The following ATG2A variants were observed in gnomAD, a reference collection of about 807,000 sequenced individuals.
The protein encoded by ATG2A is autophagy related 2A, also known as autophagy-related protein 2 homolog A.
ATG2A carries 103 observed loss-of-function variants against 214.2 expected under a neutral mutation model. The observed-to-expected ratio is 0.48, with a 90% confidence interval of 0.41 to 0.57. The LOEUF is 0.57. Among genes scored for constraint, ATG2A ranks in the 20% least tolerant of loss-of-function variants. The pLI is 0.00. For missense variants in ATG2A, 2,312 were observed against 2,613.2 expected, an observed-to-expected ratio of 0.88 and a Z score of 2.51; for synonymous variants, 1,160 against 1,142.1, an observed-to-expected ratio of 1.02 and a Z score of -0.32.
At chr11:64,905,086 C>A (rs1455071121) in intron 24 of ATG2A, among the ~76,000 whole-genome samples, 1 of 152,066 alleles carries the variant, frequency 6.6e-6, no homozygotes. Flanking sequence ...GAACTCCTGA[C>A]CTTGTGATCT....
chr11:64,909,932 A>G lies in ATG2A; in HGVS notation c.1864-8T>C. ...CGCCGGCAGGGGCTCTGTCTGCAGG[A>G]GGATTGGGGGTCAGAGCAGCCGTCG... On this transcript the variant is annotated splice_region_variant and splice_polypyrimidine_tract_variant and intron_variant, in intron 13 of 40. Coordinates refer to ENST00000377264, the MANE Select transcript of ATG2A (RefSeq NM_015104.3). 6.3e-7 allele frequency: 1 copy of G among 1,597,130 alleles called. No homozygotes were observed.
intron 14 of ATG2A, 83 bp from the exon 15 acceptor site, chr11:64,909,450 G>C: frequency 6.1e-6 from 9 of 1,468,272 alleles, no homozygotes; most frequent in Non-Finnish European, 8.5e-6. Context: ...GCTCAGAGCT[G>C]TGCCCCCGAC....
chr11:64,907,786 A>G lies in ATG2A; in HGVS notation c.2469T>C (p.Phe823=). 1 of 1,613,582 alleles carries G rather than the reference A, an allele frequency of 6.2e-7. No individual in the cohort carries two copies. Among genetic ancestry groups the G allele is most frequent in the Non-Finnish European group, 8.5e-7 (1 of 1,179,992 alleles). ...TCTCGTAGACCTCCTTGCTGGGCAGAAAGATGTGGACACTGGGCAGGATCA... is the reference window on the plus strand; with the variant it reads ...TCTCGTAGACCTCCTTGCTGGGCAGGAAGATGTGGACACTGGGCAGGATCA... ...LEVILPSVHI[F]LPSKEVYESI... Residue 823 remains phenylalanine, a synonymous_variant, in exon 17 of 41, where the codon TTT becomes TTC. Transcript: ENST00000377264.
chr11:64,898,408 C>T lies in ATG2A; in HGVS notation c.4672-46G>A. On this transcript the variant is annotated intron_variant, in intron 32 of 40. Transcript: ENST00000377264. The surrounding 1 kb of genome is among the most constrained non-coding windows in gnomAD (Gnocchi z 4.5). ...CTGGACACCTGCTGGGCCTCTGGGG[C>T]AGCAGCTCACCCAGCTGTTCCCTGA... 1 of 1,501,140 alleles carries T rather than the reference C, an allele frequency of 6.7e-7. No homozygotes were observed. Among genetic ancestry groups the T allele is most frequent in the South Asian group, 1.2e-5 (1 of 80,638 alleles). 93.0% of individuals were successfully genotyped at this position (1,501,140 alleles called of 1,614,324 possible).
rs1410458580 is a variant in ATG2A at position 64,894,617 on chromosome 11, T to C, written c.*356A>G. On this transcript the variant is annotated 3_prime_UTR_variant, in exon 41 of 41. Coordinates refer to ENST00000377264, the MANE Select transcript of ATG2A (RefSeq NM_015104.3). ...ACTCACGGAGCTTAAAAATAATACA[T>C]CGAACCACACGGATATCATCCCCTC... 3.6e-6 allele frequency: 2 copies of C among 551,726 alleles called. No homozygotes were observed. Among genetic ancestry groups the C allele is most frequent in the Non-Finnish European group, 6.9e-6 (2 of 288,504 alleles). The allele number at this position is 551,726 out of a possible 1,614,324, so 34.2% of individuals were successfully genotyped here.
At chr11:64,904,534 ACT>A (rs889428180) in intron 24 of ATG2A, among the ~76,000 whole-genome samples, 1 of 151,624 alleles carries the variant, frequency 6.6e-6, no homozygotes, top group African/African-American at 2.4e-5. Flanking sequence ...ACAGAGCGAG[ACT>A]CTGTCTCAAA....
At position 64,913,987 on chromosome 11, in the gene ATG2A, C is replaced by T; in HGVS notation, c.488-64G>A. 6.3e-7 allele frequency: 1 copy of T among 1,585,404 alleles called. No individual in the cohort carries two copies. The highest frequency in any genetic ancestry group is 8.6e-7 in the Non-Finnish European group (1 of 1,165,222). On this transcript the variant is annotated intron_variant, in intron 3 of 40. Transcript: ENST00000377264. The surrounding 1 kb of genome is among the most constrained non-coding windows in gnomAD (Gnocchi z 4.3). Reference sequence around the variant, plus strand: ...GCAAAGGGGAGGCAGAATTTCCCATCTGGGCACCAGGGTGGCCGTGCCGTT... The same window carrying T: ...GCAAAGGGGAGGCAGAATTTCCCATTTGGGCACCAGGGTGGCCGTGCCGTT...
rs756820653 is a variant in ATG2A at position 64,906,100 on chromosome 11, C to G, written c.3264+13G>C. ...GTCACTGGGCCATGTGGCTTCCCAC[C>G]ACCCACGCTCACCTGGGAATGCCAG... On this transcript the variant is annotated intron_variant, in intron 22 of 40. Transcript: ENST00000377264. The G allele has an allele frequency of 6.4e-7, 1 of 1,563,214 alleles. No homozygotes were observed. Among genetic ancestry groups the G allele is most frequent in the Non-Finnish European group, 8.7e-7 (1 of 1,153,112 alleles).
chr11:64,902,274 A>C lies in ATG2A; in HGVS notation c.3890T>G (p.Leu1297Arg), dbSNP rs1481562331. Reference protein sequence around the residue: ...LLDTERSLRELAQPSGGHLPQ... With the variant: ...LLDTERSLRERAQPSGGHLPQ... ...CCCCACTTCACCTGAAGGCTGGGCC[A>C]GCTCCCGTAGGCTGCGCTCGGTGTC... The change falls in exon 28 of 41, where the codon CTG (leucine) becomes CGG (arginine). Residue 1297 changes from leucine (L) to arginine (R), a missense_variant. By Grantham distance (102) the Leu-to-Arg change is moderately radical (BLOSUM62 -2). Coordinates refer to ENST00000377264, the MANE Select transcript of ATG2A (RefSeq NM_015104.3). The C allele has an allele frequency of 5.6e-6, 9 of 1,613,116 alleles. No homozygotes were observed. Among genetic ancestry groups the C allele is most frequent in the Non-Finnish European group, 7.6e-6 (9 of 1,180,008 alleles).
chr11:64,902,048 C>T lies in ATG2A; in HGVS notation c.4033G>A (p.Glu1345Lys). The T allele has an allele frequency of 1.2e-6, 2 of 1,614,076 alleles. No individual in the cohort carries two copies. Among genetic ancestry groups the T allele is most frequent in the East Asian group, 2.2e-5 (1 of 44,888 alleles). Residue 1345 changes from glutamate (E) to lysine (K), a missense_variant, in exon 29 of 41, where the codon GAA (glutamate) becomes AAA (lysine). By Grantham distance (56) the Glu-to-Lys change is moderately conservative (BLOSUM62 1). Transcript: ENST00000377264. Reference protein sequence around the residue: ...GSLGSCSEEKEDEREEEGDGD... With the variant: ...GSLGSCSEEKKDEREEEGDGD... ...TCGCCCTCCTCTTCCCTTTCATCTTCCTTCTCCTCTGAGCATGACCCTAAG... is the reference window on the plus strand; with the variant it reads ...TCGCCCTCCTCTTCCCTTTCATCTTTCTTCTCCTCTGAGCATGACCCTAAG...
rs370985181 is a variant in ATG2A, at chr11:64,900,578, G to C, written c.4380C>G (p.Gly1460=). ...GPRSSPSRCS[G]PNRPQNSWRT... Reference sequence around the variant, plus strand: ...GCCATGAGTTCTGGGGCCGGTTGGGGCCAGAGCAGCGGGAAGGGGAGCTCC... The same window carrying C: ...GCCATGAGTTCTGGGGCCGGTTGGGCCCAGAGCAGCGGGAAGGGGAGCTCC... The change falls in exon 31 of 41, where the codon GGC becomes GGG. Residue 1460 remains glycine (G), a synonymous_variant. Transcript: ENST00000377264. 1.2e-6 allele frequency: 2 copies of C among 1,613,082 alleles called. No individual in the cohort carries two copies. Among genetic ancestry groups the C allele is most frequent in the Non-Finnish European group, 1.7e-6 (2 of 1,179,868 alleles).
chr11:64,900,144 G>A (rs938598201), intron 31 of ATG2A, among the ~76,000 whole-genome samples: 8 of 151,506 alleles, frequency 5.3e-5, no homozygotes, highest in Non-Finnish European at 1.2e-4. Context: ...GGGATTACAG[G>A]CATAAGCCAC....
chr11:64,913,356 C>A lies in ATG2A; in HGVS notation c.636G>T (p.Pro212=). 6.2e-7 allele frequency: 1 copy of A among 1,601,222 alleles called. No homozygotes were observed. The highest frequency in any genetic ancestry group is 8.5e-7 in the Non-Finnish European group (1 of 1,175,256). ...DEAVRDPSQA[P]PVDVHQPPAF... is the part of the protein sequence containing the mutation. The stretch of plus-strand genomic sequence containing the variant: ...CAGGCGGCTGATGCACGTCCACCGG[C>A]GGCGCCTGGCTTGGGTCCCGCACTG... Residue 212 remains proline, a synonymous_variant, in exon 5 of 41, where the codon CCG becomes CCT. Transcript: ENST00000377264. This position sits in a 1 kb window ranked among gnomAD's most constrained non-coding sequence, Gnocchi z 4.3.
chr11:64,911,796 C>T, intron 9 of ATG2A, 46 bp downstream of exon 9: 3 of 1,608,922 alleles, frequency 1.9e-6, no homozygotes, highest in Non-Finnish European at 2.5e-6. Flanking sequence ...AAGGCCTCTT[C>T]CAGTCCTTCC....
chr11:64,909,156 G>T lies in ATG2A; in HGVS notation c.2205-6C>A, dbSNP rs567114688. ...GGTTCACAGTCACCACTACCCTGCCGGGGCACAGGCCTGTTACTGGCCTGC... is the reference window on the plus strand; with the variant it reads ...GGTTCACAGTCACCACTACCCTGCCTGGGCACAGGCCTGTTACTGGCCTGC... On this transcript the variant is annotated splice_polypyrimidine_tract_variant and splice_region_variant and intron_variant, in intron 15 of 40. Transcript: ENST00000377264. The T allele has an allele frequency of 6.2e-7, 1 of 1,607,116 alleles. No homozygotes were observed. Among genetic ancestry groups the T allele is most frequent in the Admixed American group, 1.7e-5 (1 of 59,572 alleles).
At position 64,897,304 on chromosome 11, in the gene ATG2A, G is replaced by A. The variant is rs1944187829; in HGVS notation, c.5150+108C>T. 30 of 1,312,286 alleles carry A rather than the reference G, an allele frequency of 2.3e-5. No individual in the cohort carries two copies. The South Asian group carries it at 3.9e-4, about 17-fold the overall frequency. 81.3% of individuals were successfully genotyped at this position (1,312,286 alleles called of 1,614,324 possible). ...GCGTCCTTTTTACAGAGGAGAAACT[G>A]AGGCCCTGAGAAGGGTGATGACTTG... On this transcript the variant is annotated intron_variant, in intron 37 of 40. Coordinates refer to ENST00000377264, the MANE Select transcript of ATG2A (RefSeq NM_015104.3).
chr11:64,911,821 C>A (rs766457447), intron 9 of ATG2A, 21 bp downstream of exon 9: 1 of 1,611,932 alleles, frequency 6.2e-7, no homozygotes, highest in Admixed American at 1.7e-5. Flanking sequence ...CCTGGAGTAC[C>A]CCCAGGGTGC....
intron 24 of ATG2A, among the ~76,000 whole-genome samples, chr11:64,904,459 C>T (rs1303189089): frequency 1.3e-5 from 2 of 151,816 alleles, no homozygotes; most frequent in African/African-American, 4.8e-5. Context: ...GCAGGAGAAT[C>T]GCTTGAACCC....
Position 64,907,789 on chromosome 11 carries a change from G to C in ATG2A, c.2466C>G (p.Ile822Met). The C allele has an allele frequency of 6.2e-7, 1 of 1,613,618 alleles. No individual in the cohort carries two copies. The highest frequency in any genetic ancestry group is 1.1e-5 in the South Asian group (1 of 91,052). ...CGTAGACCTCCTTGCTGGGCAGAAA[G>C]ATGTGGACACTGGGCAGGATCACTT... is the stretch of plus-strand genomic sequence containing the variant. ...SLEVILPSVH[I>M]FLPSKEVYES... Residue 822 changes from isoleucine to methionine, a missense_variant, in exon 17 of 41, where the codon ATC becomes ATG. Ile to Met is a conservative substitution (Grantham distance 10). Coordinates refer to ENST00000377264, the MANE Select transcript of ATG2A (RefSeq NM_015104.3).
Sources: allele counts gnomAD v4.1 joint callset (sites outside exome capture counted in the v4.1 genomes callset), GRCh38; gene constraint gnomAD v4.1.1; non-coding constraint Gnocchi (gnomAD v3.1); transcripts MANE v1.5; gene names NCBI Gene and HGNC (gene_info 2026-07-23, HGNC 2026-07-21).